ANK2: variants seen among roughly 807,000 people sequenced by gnomAD.
The protein encoded by ANK2 is ankyrin-2.
ANK2 carries 83 observed loss-of-function variants against 360.5 expected under a neutral mutation model. That is an observed-to-expected ratio of 0.23 (90% CI 0.19 to 0.28). The LOEUF (loss-of-function observed/expected upper bound fraction) is 0.28, where lower values mean the gene tolerates loss of function less well. ANK2 is among the 10% of genes least tolerant of loss of function. The pLI is 1.00. For missense variants in ANK2, 4,201 were observed against 4,795.7 expected, an observed-to-expected ratio of 0.88 and a Z score of 3.66; for synonymous variants, 1,740 against 1,759.5, an observed-to-expected ratio of 0.99 and a Z score of 0.28.
intron 31 of ANK2, among the ~76,000 whole-genome samples, chr4:113,338,627 GCAAGC>G (rs1316850474): frequency 7.3e-6 from 1 of 136,294 alleles, no homozygotes; most frequent in African/African-American, 2.9e-5. Context: ...TCGGCTCACT[GCAAGC>G]TCCACCTCCT....
intron 1 of ANK2, chr4:112,826,804 C>A: frequency 2.6e-6 from 3 of 1,135,674 alleles, no homozygotes; most frequent in Non-Finnish European, 3.9e-6. Context: ...CTTCAAGCAT[C>A]TTCTACTCAA....
chr4:113,135,459 T>A (rs964990677), intron 1 of ANK2, among the ~76,000 whole-genome samples: 2 of 151,460 alleles, frequency 1.3e-5, no homozygotes, highest in Admixed American at 1.3e-4. Context: ...TGAAAGGAGC[T>A]TTTCACTACA....
intron 22 of ANK2, among the ~76,000 whole-genome samples, chr4:113,295,592 T>C (rs541643385): frequency 2.0e-4 from 31 of 152,304 alleles, no homozygotes; most frequent in African/African-American, 7.5e-4. Context: ...TCTTTTCTGG[T>C]AACTATTATT....
the ANK2 span, among the ~76,000 whole-genome samples, chr4:112,724,324 C>T: frequency 6.6e-6 from 1 of 152,092 alleles, no homozygotes; most frequent in Admixed American, 6.6e-5. Context: ...CTCGGCCTCT[C>T]AAAGTGCTGG....
At chr4:113,321,598 A>C (rs1202587504) in intron 26 of ANK2, among the ~76,000 whole-genome samples, 1 of 152,222 alleles carries the variant, frequency 6.6e-6, no homozygotes, top group Non-Finnish European at 1.5e-5. Context: ...CATGTCATGT[A>C]GCAAGAGTTT....
At chr4:113,120,237 T>C (rs2095259770) in intron 1 of ANK2, among the ~76,000 whole-genome samples, 2 of 152,174 alleles carry the variant, frequency 1.3e-5, no homozygotes, top group Admixed American at 6.6e-5. Flanking sequence ...ACTAATTTAG[T>C]ATGTTTGCTG....
intron 26 of ANK2, among the ~76,000 whole-genome samples, chr4:113,321,563 T>C (rs2086263184): frequency 6.6e-6 from 1 of 152,258 alleles, no homozygotes; most frequent in Admixed American, 6.5e-5. Context: ...ATGATATTAA[T>C]GTATATGAGT....
the ANK2 span, among the ~76,000 whole-genome samples, chr4:112,810,144 TATATATATATATATA>T: frequency 1.7e-4 from 4 of 23,506 alleles, no homozygotes; most frequent in East Asian, 2.4e-3. Context: ...TATATATATA[TATATATATATATATA>T]TTTTTTTTTT....
intron 1 of ANK2, among the ~76,000 whole-genome samples, chr4:113,068,030 G>T (rs1416399152): frequency 6.6e-6 from 1 of 152,108 alleles, no homozygotes; most frequent in Non-Finnish European, 1.5e-5. Flanking sequence ...TCTAGTTCCT[G>T]GGATCATTTG....
intron 2 of ANK2, among the ~76,000 whole-genome samples, chr4:112,934,440 T>A (rs2154240491): frequency 6.6e-6 from 1 of 152,326 alleles, no homozygotes; most frequent in Admixed American, 6.5e-5. Context: ...TCTCTCGACA[T>A]TCTTTTCTTC....
At chr4:113,188,905 G>C (rs973788542) in intron 2 of ANK2, among the ~76,000 whole-genome samples, 5 of 152,098 alleles carry the variant, frequency 3.3e-5, no homozygotes, top group African/African-American at 1.2e-4. Context: ...GAGTACCTGG[G>C]TGAATTAAGC....
chr4:113,205,959 C>T (rs1159993056), intron 4 of ANK2, among the ~76,000 whole-genome samples: 5 of 151,864 alleles, frequency 3.3e-5, no homozygotes, highest in African/African-American at 9.7e-5. Flanking sequence ...CACACATATG[C>T]ACACACACAC....
At chr4:112,842,743 G>A (rs957357900) in intron 1 of ANK2, among the ~76,000 whole-genome samples, 6 of 152,196 alleles carry the variant, frequency 3.9e-5, no homozygotes, top group Non-Finnish European at 8.8e-5. Flanking sequence ...CTGTTGGGCC[G>A]CAGACTGGGG....
chr4:112,994,602 A>T (rs927306632), intron 2 of ANK2, among the ~76,000 whole-genome samples: 11 of 152,190 alleles, frequency 7.2e-5, no homozygotes, highest in Non-Finnish European at 1.0e-4. Flanking sequence ...TTGGATTTTT[A>T]AAAAATTTCA....
At chr4:113,298,021 C>T (rs1049447623) in intron 22 of ANK2, among the ~76,000 whole-genome samples, 15 of 152,162 alleles carry the variant, frequency 9.9e-5, no homozygotes, top group Non-Finnish European at 2.1e-4. Flanking sequence ...ATCCACCTGC[C>T]TTGGCCTCCC....
chr4:113,295,525 A>G (rs1368828101), intron 22 of ANK2, among the ~76,000 whole-genome samples: 4 of 152,184 alleles, frequency 2.6e-5, no homozygotes, highest in African/African-American at 9.6e-5. Context: ...TACCACATCT[A>G]TCTCTGGAAA....
intron 2 of ANK2, among the ~76,000 whole-genome samples, chr4:112,978,569 CAT>C (rs1167390226): frequency 6.6e-6 from 1 of 152,180 alleles, no homozygotes. Flanking sequence ...TAAGCAGAAT[CAT>C]AGTATTTGTC....
intron 1 of ANK2, among the ~76,000 whole-genome samples, chr4:112,844,135 C>T (rs781053232): frequency 1.3e-5 from 2 of 152,108 alleles, no homozygotes; most frequent in African/African-American, 2.4e-5. Flanking sequence ...TCTTAAAAAG[C>T]TGTATTCACC....
intron 1 of ANK2, among the ~76,000 whole-genome samples, chr4:113,059,296 A>G (rs2071865746): frequency 6.6e-6 from 1 of 152,174 alleles, no homozygotes; most frequent in Non-Finnish European, 1.5e-5. Flanking sequence ...TTTTCTGTAA[A>G]GTTGACACAG....
Sources: gnomAD v4.1 joint callset for allele counts (sites outside exome capture counted in the v4.1 genomes callset) on GRCh38, gnomAD v4.1.1 for gene constraint, MANE v1.5 for transcripts, NCBI Gene and HGNC (gene_info 2026-07-23, HGNC 2026-07-21) for gene names.